Variants in GALNT18 observed in about 807,000 individuals in gnomAD.
The protein encoded by GALNT18 is GalNAc-transferase 18.
Under a neutral mutation model 69.5 loss-of-function variants are expected in GALNT18, and 44 were observed. The observed-to-expected ratio is 0.63, with a 90% CI of 0.50 to 0.81. The LOEUF is 0.81. Ranked by LOEUF, GALNT18 falls within the 40% of genes least tolerant of loss-of-function variation. The pLI is 0.00. For synonymous variants in GALNT18, 364 were observed against 318.2 expected (o/e 1.14, Z -1.53); for missense variants, 715 against 810.0 (o/e 0.88, Z 1.42).
intron 9 of GALNT18, among the ~76,000 whole-genome samples, 183 bp downstream of exon 9, chr11:11,326,903 G>A (rs184500242): frequency 6.6e-6 from 1 of 152,310 alleles, no homozygotes; most frequent in East Asian, 1.9e-4. Flanking sequence ...AGGCAAGGCA[G>A]GTGTGACCCA....
rs535749740 is a variant in GALNT18, at chr11:11,363,603, T to C, written c.1092+8912A>G. Among the ~76,000 whole-genome samples the C allele has an allele frequency of 2.5e-4, 38 of 152,282 alleles. 1 individual carries two copies. In the South Asian group the frequency reaches 3.9e-3, roughly 16 times the overall value. On this transcript the variant is annotated intron_variant, in intron 6 of 10. Transcript: ENST00000227756. Reference sequence around the variant, plus strand: ...AAATATGGATGTAAAATTGATGAAGTAAAATTCTGTTGTCCTAAGTTTGAA... The same window carrying C: ...AAATATGGATGTAAAATTGATGAAGCAAAATTCTGTTGTCCTAAGTTTGAA...
At chr11:11,280,697 C>T (rs1849053920) in intron 10 of GALNT18, among the ~76,000 whole-genome samples, 1 of 152,156 alleles carries the variant, frequency 6.6e-6, no homozygotes, top group Admixed American at 6.5e-5. Context: ...TAATTTCTGC[C>T]CCTCAGGACT....
At chr11:11,522,406 G>C (rs1323697107) in intron 1 of GALNT18, among the ~76,000 whole-genome samples, 4 of 152,196 alleles carry the variant, frequency 2.6e-5, no homozygotes, top group African/African-American at 9.7e-5. Flanking sequence ...CCTCCCATCA[G>C]AGGGAAGGAG....
intron 1 of GALNT18, among the ~76,000 whole-genome samples, chr11:11,478,497 C>A (rs182343039): frequency 2.0e-5 from 3 of 152,268 alleles, no homozygotes; most frequent in South Asian, 2.1e-4. Context: ...CGTCCTCATG[C>A]CCCAAACGGC....
Position 11,562,238 on chromosome 11 carries a change from T to A in GALNT18, c.235+59121A>T, listed in dbSNP as rs1198584870. The stretch of plus-strand genomic sequence containing the variant: ...CTGTGGGCTGTGAGGAAGGATCTGT[T>A]CCAGGCTCTCTCTTTGGCTTCTGGC... On this transcript the variant is annotated intron_variant, in intron 1 of 10. Coordinates refer to ENST00000227756, the MANE Select transcript of GALNT18 (RefSeq NM_198516.3). This position sits in a 1 kb window ranked among gnomAD's most constrained non-coding sequence, Gnocchi z 4.1. Among the ~76,000 whole-genome samples, 1 of 152,182 alleles carries A rather than the reference T, an allele frequency of 6.6e-6. No individual in the cohort carries two copies. The highest frequency in any genetic ancestry group is 2.4e-5 in the African/African-American group (1 of 41,436).
intron 1 of GALNT18, among the ~76,000 whole-genome samples, chr11:11,580,949 G>A (rs1859064494): frequency 6.6e-6 from 1 of 152,250 alleles, no homozygotes; most frequent in Non-Finnish European, 1.5e-5. Context: ...TTTAGTGAAA[G>A]GTTGCCAAAG....
At chr11:11,428,369 C>T (rs1855183229) in intron 3 of GALNT18, among the ~76,000 whole-genome samples, 1 of 152,360 alleles carries the variant, frequency 6.6e-6, no homozygotes, top group Non-Finnish European at 1.5e-5. Flanking sequence ...GGTTACCTCC[C>T]TGTCCCATTC....
chr11:11,321,758 A>G (rs1849843198), intron 9 of GALNT18, among the ~76,000 whole-genome samples: 1 of 152,176 alleles, frequency 6.6e-6, no homozygotes, highest in South Asian at 2.1e-4. Flanking sequence ...GTGTGCCAAC[A>G]TGCCTGGCTA....
At chr11:11,434,112 C>G (rs1429589052) in intron 2 of GALNT18, among the ~76,000 whole-genome samples, 1 of 152,114 alleles carries the variant, frequency 6.6e-6, no homozygotes, top group East Asian at 1.9e-4. Context: ...GGAGAAATCA[C>G]CATGGGGCCC....
At chr11:11,501,917 T>C (rs1856979997) in intron 1 of GALNT18, among the ~76,000 whole-genome samples, 1 of 152,216 alleles carries the variant, frequency 6.6e-6, no homozygotes, top group Admixed American at 6.5e-5. Context: ...AAATGCAGCT[T>C]CAGAGAGGCC....
rs1860114031 is a variant in GALNT18 at position 11,618,530 on chromosome 11, A to G, written c.235+2829T>C. On this transcript the variant is annotated intron_variant, in intron 1 of 10. Coordinates refer to ENST00000227756, the MANE Select transcript of GALNT18 (RefSeq NM_198516.3). The surrounding 1 kb of genome is among the most constrained non-coding windows in gnomAD (Gnocchi z 6.1). ...ACCCCTCAGCCATCCTCTGACACCC[A>G]CTTCCACCACTGTCAACAGACTCCA... Among the ~76,000 whole-genome samples the G allele has an allele frequency of 6.6e-6, 1 of 152,162 alleles. No individual in the cohort carries two copies. The highest frequency in any genetic ancestry group is 2.4e-5 in the African/African-American group (1 of 41,428).
chr11:11,607,752 A>G (rs1317748110), intron 1 of GALNT18, among the ~76,000 whole-genome samples: 1 of 152,192 alleles, frequency 6.6e-6, no homozygotes, highest in Non-Finnish European at 1.5e-5. Context: ...AAGTTGAGTT[A>G]GAAGAGAGGG....
chr11:11,326,974 G>A, intron 9 of GALNT18, 112 bp downstream of exon 9: 1 of 760,816 alleles, frequency 1.3e-6, no homozygotes, highest in Non-Finnish European at 2.2e-6. Context: ...TGGTCCCAGA[G>A]CTGCCATGAC....
intron 10 of GALNT18, among the ~76,000 whole-genome samples, chr11:11,275,630 T>C (rs75149698): frequency 0.26 from 39,799 of 152,152 alleles, 5,473 homozygotes; most frequent in Middle Eastern, 0.38. Context: ...CGAATGGTAC[T>C]GCCCAGGTTT....
chr11:11,378,765 ACT>A (rs1490135142), intron 4 of GALNT18, among the ~76,000 whole-genome samples: 2 of 151,730 alleles, frequency 1.3e-5, no homozygotes, highest in East Asian at 2.0e-4. Flanking sequence ...TTAGCGGGAC[ACT>A]CTCTGCTTTG....
At chr11:11,447,966 C>T (rs1249641863) in intron 2 of GALNT18, among the ~76,000 whole-genome samples, 1 of 152,226 alleles carries the variant, frequency 6.6e-6, no homozygotes, top group African/African-American at 2.4e-5. Flanking sequence ...TCCTCAGCTG[C>T]TCTTTCATCC....
At position 11,469,083 on chromosome 11, in the gene GALNT18, G is replaced by T. The variant is rs1219369178; in HGVS notation, c.236-20147C>A. On this transcript the variant is annotated intron_variant, in intron 1 of 10. Transcript: ENST00000227756. This position sits in a 1 kb window ranked among gnomAD's most constrained non-coding sequence, Gnocchi z 4.2. ...CTGCCTCTTGAGATGAGGCCACCAGGACACAGCACTCTTTAACCACGTCAC... is the reference window on the plus strand; with the variant it reads ...CTGCCTCTTGAGATGAGGCCACCAGTACACAGCACTCTTTAACCACGTCAC... Among the ~76,000 whole-genome samples the T allele has an allele frequency of 6.6e-6, 1 of 152,172 alleles. No homozygotes were observed. The highest frequency in any genetic ancestry group is 1.5e-5 in the Non-Finnish European group (1 of 68,034).
chr11:11,279,475 G>C (rs897567168), intron 10 of GALNT18, among the ~76,000 whole-genome samples: 8 of 152,014 alleles, frequency 5.3e-5, no homozygotes, highest in African/African-American at 1.9e-4. Context: ...ATGCTTTCTA[G>C]AACACGATTT....
At chr11:11,581,201 C>A (rs1326404502) in intron 1 of GALNT18, among the ~76,000 whole-genome samples, 1 of 152,176 alleles carries the variant, frequency 6.6e-6, no homozygotes, top group Non-Finnish European at 1.5e-5. Flanking sequence ...GGAGTAGGGG[C>A]CCCGACAGCA....
Sources: gnomAD v4.1 joint callset for allele counts (sites outside exome capture counted in the v4.1 genomes callset) on GRCh38, gnomAD v4.1.1 for gene constraint, Gnocchi (gnomAD v3.1) non-coding constraint, MANE v1.5 for transcripts, NCBI Gene and HGNC (gene_info 2026-07-23, HGNC 2026-07-21) for gene names.